ATAD2: variants seen among roughly 807,000 people sequenced by gnomAD.
ATAD2 encodes the protein ATPase family AAA domain containing 2, also known as ATPase family AAA domain-containing protein 2.
In ATAD2, 62 loss-of-function variants were observed where a neutral mutation model predicts 168.9. The observed-to-expected ratio is 0.37, with a 90% CI of 0.30 to 0.45. The LOEUF is 0.45. Ranked by LOEUF, ATAD2 falls within the 20% of genes least tolerant of loss-of-function variation. ATAD2 has a pLI of 1.00. For synonymous variants in ATAD2, 613 were observed against 571.6 expected, an observed-to-expected ratio of 1.07 and a Z score of -1.03; for missense variants, 1,419 against 1,667.8, an observed-to-expected ratio of 0.85 and a Z score of 2.60.
chr8:123,382,174 C>A (rs1829511174), intron 1 of ATAD2, among the ~76,000 whole-genome samples: 1 of 152,182 alleles, frequency 6.6e-6, no homozygotes, highest in Non-Finnish European at 1.5e-5. Context: ...AGGAAAAAAA[C>A]ACCAAACATT....
chr8:123,346,603 G>C lies in ATAD2; in HGVS notation c.2345+15C>G, dbSNP rs1478793103. 6.6e-7 allele frequency: 1 copy of C among 1,515,110 alleles called. No individual in the cohort carries two copies. The highest frequency in any genetic ancestry group is 2.3e-5 in the East Asian group (1 of 42,606). The allele number at this position is 1,515,110 out of a possible 1,614,324, so 93.9% of individuals were successfully genotyped here. The stretch of plus-strand genomic sequence containing the variant: ...TTACACATGCAAAAAACATTGATTT[G>C]CAAGAAAAATATACCTATTCAAATG... On this transcript the variant is annotated intron_variant, in intron 17 of 27. Coordinates refer to ENST00000287394, the MANE Select transcript of ATAD2 (RefSeq NM_014109.4).
intron 2 of ATAD2, among the ~76,000 whole-genome samples, chr8:123,376,084 G>A (rs1479454077): frequency 6.7e-6 from 1 of 149,058 alleles, no homozygotes; most frequent in Non-Finnish European, 1.5e-5. Context: ...CAGCCTGGGC[G>A]ACAGAGCAAG....
intron 1 of ATAD2, among the ~76,000 whole-genome samples, chr8:123,415,004 T>G (rs545599386): frequency 1.6e-4 from 25 of 152,212 alleles, no homozygotes; most frequent in Non-Finnish European, 2.9e-4. Flanking sequence ...ATAGGTCCTG[T>G]GTGATTTATG....
upstream of ATAD2, among the ~76,000 whole-genome samples, chr8:123,398,434 C>A (rs1260100422): frequency 6.6e-6 from 1 of 151,798 alleles, no homozygotes; most frequent in African/African-American, 2.4e-5. Flanking sequence ...TCTTACCATG[C>A]TGGCCAGGCT....
At chr8:123,345,154 TC>T in intron 18 of ATAD2, 85 bp from the exon 19 acceptor site, 2 of 1,276,212 alleles carry the variant, frequency 1.6e-6, no homozygotes, top group Non-Finnish European at 1.1e-6. Context: ...ATGTTTAACC[TC>T]CCAGGAGTAA....
chr8:123,402,034 TGA>T lies in ATAD2; in HGVS notation c.-2281-861_-2281-860del. The T allele has an allele frequency of 6.6e-7, 1 of 1,505,778 alleles. No individual in the cohort carries two copies. Among genetic ancestry groups the T allele is most frequent in the Non-Finnish European group, 9.2e-7 (1 of 1,086,278 alleles). 93.3% of individuals were successfully genotyped at this position (1,505,778 alleles called of 1,614,324 possible). On this transcript the variant is annotated intron_variant, in intron 1 of 28. Transcript: ENST00000521903. This position sits in a 1 kb window ranked among gnomAD's most constrained non-coding sequence, Gnocchi z 4.8. ...TGATGTACTCAGGAGAGCTCAAGTT[TGA>T]GAAGCGTACCATGTCGGCCCAGATT...
At chr8:123,400,396 G>C (rs180901815), upstream of ATAD2, among the ~76,000 whole-genome samples, 5 of 152,052 alleles carry the variant, frequency 3.3e-5, no homozygotes, top group Admixed American at 3.3e-4. This position sits in a 1 kb window ranked among gnomAD's most constrained non-coding sequence, Gnocchi z 4.5. Flanking sequence ...AAAGCCAGGT[G>C]TGGTGGTGCG....
intron 1 of ATAD2, among the ~76,000 whole-genome samples, chr8:123,386,930 T>C (rs886205783): frequency 3.3e-5 from 5 of 150,818 alleles, no homozygotes; most frequent in African/African-American, 4.9e-5. Context: ...AAAAAAAAAT[T>C]ATGTGGGAGT....
At position 123,369,909 on chromosome 8, in the gene ATAD2, TTCATCATCTTCA is replaced by T. The variant is rs765225930; in HGVS notation, c.831_842del (p.Asp277_Asp280del). Reference sequence around the variant, plus strand: ...TCTCTTCTTCTCCATCTTCTTCATCTTCATCATCTTCATCATCATCATCATCATCATCATCGT... The same window carrying T: ...TCTCTTCTTCTCCATCTTCTTCATCTTCATCATCATCATCATCATCATCGT... On this transcript the variant is annotated inframe_deletion, in exon 7 of 28. Coordinates refer to ENST00000287394, the MANE Select transcript of ATAD2 (RefSeq NM_014109.4). 3 of 1,585,648 alleles carry T rather than the reference TTCATCATCTTCA, an allele frequency of 1.9e-6. No individual in the cohort carries two copies. The highest frequency in any genetic ancestry group is 2.2e-5 in the South Asian group (2 of 90,426).
intron 1 of ATAD2, among the ~76,000 whole-genome samples, chr8:123,389,912 G>A (rs1829766348): frequency 1.4e-5 from 2 of 143,718 alleles, no homozygotes; most frequent in Non-Finnish European, 3.0e-5. Context: ...CAAGTACTAT[G>A]CCTGGTACAC....
intron 1 of ATAD2, among the ~76,000 whole-genome samples, chr8:123,404,978 G>A (rs1010230654): frequency 6.6e-6 from 1 of 152,170 alleles, no homozygotes; most frequent in Non-Finnish European, 1.5e-5. Context: ...CATAAGAGGG[G>A]GGTTGGGACT....
chr8:123,336,281 T>G, intron 22 of ATAD2, 92 bp downstream of exon 22: 1 of 1,117,906 alleles, frequency 8.9e-7, no homozygotes, highest in South Asian at 1.6e-5. Flanking sequence ...ATTTTGATTA[T>G]GTTTATAATA....
At position 123,394,697 on chromosome 8, in the gene ATAD2, G is replaced by C. The variant is rs532656096; in HGVS notation, c.171+1490C>G. ...TCAATATATCAGTACGTATCATTAT[G>C]TTCACAGGATCTAGTGTTACCCTGG... On this transcript the variant is annotated intron_variant, in intron 1 of 27. Coordinates refer to ENST00000287394, the MANE Select transcript of ATAD2 (RefSeq NM_014109.4). Among the ~76,000 whole-genome samples, 58 of 152,214 alleles carry C rather than the reference G, an allele frequency of 3.8e-4. 1 individual carries two copies. The South Asian group carries it at 7.9e-3, about 21-fold the overall frequency.
At chr8:123,357,310 T>C (rs1490883894) in intron 12 of ATAD2, among the ~76,000 whole-genome samples, 1 of 152,180 alleles carries the variant, frequency 6.6e-6, no homozygotes, top group African/African-American at 2.4e-5. Flanking sequence ...AGATTACCAC[T>C]CTCTTCCTAT....
At chr8:123,343,923 A>G (rs1322988549) in intron 19 of ATAD2, among the ~76,000 whole-genome samples, 2 of 152,218 alleles carry the variant, frequency 1.3e-5, no homozygotes, top group African/African-American at 4.8e-5. Flanking sequence ...TATGTAAGAG[A>G]AGAGTATTCC....
At chr8:123,333,012 A>G (rs1049675498) in intron 24 of ATAD2, among the ~76,000 whole-genome samples, 5 of 151,918 alleles carry the variant, frequency 3.3e-5, no homozygotes, top group Admixed American at 3.3e-4. Context: ...CCGAGGATGG[A>G]CAAACTTGCA....
At chr8:123,327,784 C>T (rs1391568371) in intron 25 of ATAD2, among the ~76,000 whole-genome samples, 1 of 152,092 alleles carries the variant, frequency 6.6e-6, no homozygotes, top group Non-Finnish European at 1.5e-5. Context: ...GTTGTTCATA[C>T]CACTCAGCAA....
Position 123,339,383 on chromosome 8 carries a change from C to G in ATAD2, c.2782G>C (p.Glu928Gln). The stretch of plus-strand genomic sequence containing the variant: ...AAATCTTCAAAAAATTTTGTCCGTT[C>G]TTCTTTATCCGGTAACTGGACATTA... ...IFNVQLPDKE[E>Q]RTKFFEDLIL... The change falls in exon 20 of 28, where the codon GAA becomes CAA. Residue 928 changes from glutamate (E) to glutamine (Q), a missense_variant. Coordinates refer to ENST00000287394, the MANE Select transcript of ATAD2 (RefSeq NM_014109.4). 6.2e-7 allele frequency: 1 copy of G among 1,602,432 alleles called. No individual in the cohort carries two copies. Among genetic ancestry groups the G allele is most frequent in the Non-Finnish European group, 8.5e-7 (1 of 1,173,650 alleles).
Position 123,402,149 on chromosome 8 carries a change from G to C in ATAD2, c.-2281-974C>G. 2 of 734,060 alleles carry C rather than the reference G, an allele frequency of 2.7e-6. No homozygotes were observed. The highest frequency in any genetic ancestry group is 7.3e-4 in the Middle Eastern group (2 of 2,734). The allele number at this position is 734,060 out of a possible 1,614,324, so 45.5% of individuals were successfully genotyped here. A position where few individuals can be genotyped will look rare whatever the true frequency, so the allele number is the denominator to read the frequency against. Reference sequence around the variant, plus strand: ...GAGGTGGTGGAGGGGGCACCCCCCAGTGTCCACCTTCGGGCATAGCCTCCC... The same window carrying C: ...GAGGTGGTGGAGGGGGCACCCCCCACTGTCCACCTTCGGGCATAGCCTCCC... On this transcript the variant is annotated intron_variant, in intron 1 of 28. Transcript: ENST00000521903. This position sits in a 1 kb window ranked among gnomAD's most constrained non-coding sequence, Gnocchi z 4.8.
Sources: gnomAD v4.1 joint callset for allele counts (sites outside exome capture counted in the v4.1 genomes callset) on GRCh38, gnomAD v4.1.1 for gene constraint, Gnocchi (gnomAD v3.1) non-coding constraint, MANE v1.5 for transcripts, NCBI Gene and HGNC (gene_info 2026-07-23, HGNC 2026-07-21) for gene names.